NETO2: variants seen among roughly 807,000 people sequenced by gnomAD.
NETO2 encodes neuropilin and tolloid-like protein 2.
Under a neutral mutation model 62.5 loss-of-function variants are expected in NETO2, and 28 were observed. That is an observed-to-expected ratio of 0.45 (90% CI 0.33 to 0.61). NETO2 has a LOEUF of 0.61. Among genes scored for constraint, NETO2 ranks in the 20% least tolerant of loss-of-function variants. The probability of loss-of-function intolerance (pLI) is 0.02; values close to 1 mark genes in which losing one functional copy is unlikely to be tolerated. For synonymous variants in NETO2, 214 were observed against 219.1 expected, an observed-to-expected ratio of 0.98 and a Z score of 0.21; for missense variants, 548 against 643.2, an observed-to-expected ratio of 0.85 and a Z score of 1.60.
Position 47,143,625 on chromosome 16 carries a change from C to T in NETO2, c.-13G>A. 8.2e-7 allele frequency: 1 copy of T among 1,221,482 alleles called. No individual in the cohort carries two copies. The allele number at this position is 1,221,482 out of a possible 1,614,324, so 75.7% of individuals were successfully genotyped here. ...GCTCCAGGGCCATGTTCCCGAGCTG[C>T]CCGGCGCTTCGCGAAGGGCTGAGGT... is the stretch of plus-strand genomic sequence containing the variant. On this transcript the variant is annotated 5_prime_UTR_variant, in exon 1 of 9. Coordinates refer to ENST00000562435, the MANE Select transcript of NETO2 (RefSeq NM_018092.5).
intron 7 of NETO2, among the ~76,000 whole-genome samples, chr16:47,087,058 CTCACT>C (rs1963207080): frequency 6.8e-6 from 1 of 148,014 alleles, no homozygotes. Context: ...GAGATGGAGT[CTCACT>C]CTGTTGCCAG....
chr16:47,096,705 A>G (rs1963434020), intron 7 of NETO2, among the ~76,000 whole-genome samples: 1 of 152,234 alleles, frequency 6.6e-6, no homozygotes, highest in Non-Finnish European at 1.5e-5. Context: ...GAATTCTACT[A>G]AACATGTAAA....
rs766042295 is a variant in NETO2, at chr16:47,109,620, T to C, written c.746A>G (p.Glu249Gly). 151 of 1,614,052 alleles carry C rather than the reference T, an allele frequency of 9.4e-5. 1 individual carries two copies. Among genetic ancestry groups the C allele is most frequent in the Admixed American group, 1.7e-4 (10 of 59,998 alleles). Residue 249 changes from glutamate to glycine, a missense_variant, in exon 7 of 9, where the codon GAA becomes GGA. Transcript: ENST00000562435. ...GCTGCAAAACTTGGCCTTCAGGTTT[T>C]CAATAGAACTGCTTCCATCATAGAC... ...VAVYDGSSSI[E>G]NLKAKFCSTV...
chr16:47,097,958 A>G lies in NETO2; in HGVS notation c.883+11525T>C, dbSNP rs147560710. On this transcript the variant is annotated intron_variant, in intron 7 of 8. Transcript: ENST00000562435. ...CCTGACTGTTAGAAGGAAAACTAAC[A>G]AACAGAAAGGAATAGCATCAACATC... is the stretch of plus-strand genomic sequence containing the variant. 7.3e-3 allele frequency among the ~76,000 whole-genome samples: 1,106 copies of G among 152,358 alleles called. 14 individuals are homozygous for G. Among genetic ancestry groups the G allele is most frequent in the African/African-American group, 0.025 (1,026 of 41,580 alleles).
chr16:47,086,059 TTGTG>T (rs1373908424), intron 8 of NETO2, among the ~76,000 whole-genome samples, 163 bp downstream of exon 8: 2 of 152,172 alleles, frequency 1.3e-5, no homozygotes, highest in Non-Finnish European at 1.5e-5. Flanking sequence ...TGAGCCGAGA[TTGTG>T]CCACTGCACT....
At chr16:47,115,634 C>G (rs1423891877) in intron 6 of NETO2, among the ~76,000 whole-genome samples, 1 of 148,732 alleles carries the variant, frequency 6.7e-6, no homozygotes, top group Admixed American at 6.7e-5. Context: ...CTTAAGTGAT[C>G]CTCCTGCCTC....
chr16:47,086,200 A>C, intron 8 of NETO2, 26 bp downstream of exon 8: 1 of 1,319,650 alleles, frequency 7.6e-7, no homozygotes, highest in Non-Finnish European at 1.1e-6. Context: ...TTTTCTCAAA[A>C]ATGTTGGCCT....
chr16:47,137,123 A>G (rs899894711), intron 1 of NETO2, among the ~76,000 whole-genome samples: 1 of 152,224 alleles, frequency 6.6e-6, no homozygotes, highest in African/African-American at 2.4e-5. Flanking sequence ...TTGGAGGTTA[A>G]TCTGGTAGAA....
rs200881486 is a variant in NETO2, at chr16:47,109,382, AC to A, written c.883+100del. On this transcript the variant is annotated intron_variant, in intron 7 of 8. Transcript: ENST00000562435. ...AAGAGCTGTAGTAAAACAAAAAAAAACATCCTAAAATAAATATTTTAAAAAA... is the reference window on the plus strand; with the variant it reads ...AAGAGCTGTAGTAAAACAAAAAAAAAATCCTAAAATAAATATTTTAAAAAA... 2.8e-3 allele frequency: 1,651 copies of A among 600,012 alleles called. 13 individuals carry two copies. Among genetic ancestry groups the A allele is most frequent in the African/African-American group, 0.015 (698 of 45,880 alleles). 37.2% of individuals were successfully genotyped at this position (600,012 alleles called of 1,614,324 possible). A position where few individuals can be genotyped will look rare whatever the true frequency, so the allele number is the denominator to read the frequency against.
At chr16:47,097,238 AC>A (rs1364815177) in intron 7 of NETO2, among the ~76,000 whole-genome samples, 14 of 152,090 alleles carry the variant, frequency 9.2e-5, no homozygotes, top group Non-Finnish European at 1.5e-5. Context: ...AGCAGATCCC[AC>A]CCCCACGGGG....
chr16:47,143,526 G>A (rs1163327796), intron 1 of NETO2, 53 bp downstream of exon 1: 2 of 1,217,780 alleles, frequency 1.6e-6, no homozygotes, highest in Non-Finnish European at 2.0e-6. Context: ...AGGGCGGCGC[G>A]CCAGCCTCGG....
At chr16:47,128,908 A>T (rs1964210215) in intron 3 of NETO2, among the ~76,000 whole-genome samples, 1 of 152,224 alleles carries the variant, frequency 6.6e-6, no homozygotes, top group Non-Finnish European at 1.5e-5. Flanking sequence ...AAAAGAACTC[A>T]CTTATGTGGA....
At chr16:47,136,598 G>A (rs1964365311) in intron 1 of NETO2, among the ~76,000 whole-genome samples, 1 of 152,052 alleles carries the variant, frequency 6.6e-6, no homozygotes, top group East Asian at 1.9e-4. Context: ...TAGAGACGGG[G>A]TTTCACTGTG....
Position 47,114,439 on chromosome 16 carries a change from C to CTTTT in NETO2, c.655-4732_655-4729dup, listed in dbSNP as rs33994080. The stretch of plus-strand genomic sequence containing the variant: ...TTTCATTAGTCCAATTTATAAATTT[C>CTTTT]TTTTTTTTTTTTTTTTTTTTTTTTT... On this transcript the variant is annotated intron_variant, in intron 6 of 8. Coordinates refer to ENST00000562435, the MANE Select transcript of NETO2 (RefSeq NM_018092.5). 5.0e-4 allele frequency among the ~76,000 whole-genome samples: 19 copies of CTTTT among 37,928 alleles called. 4 individuals carry two copies. The highest frequency in any genetic ancestry group is 8.3e-4 in the Admixed American group (3 of 3,610). The allele number at this position is 37,928 out of a possible 152,430, so 24.9% of individuals were successfully genotyped here.
In NETO2 at chr16:47,128,482, T is replaced by A. The variant is rs557415316; in HGVS notation, c.324A>T (p.Arg108=). ...GAGGAGAGAAACCAAATGGCCCATC[T>A]CGAACTTCCAAGTGATCAAACCGAC... ...FECRFDHLEV[R]DGPFGFSPLI... is the part of the protein sequence containing the mutation. The change falls in exon 4 of 9, where the codon CGA becomes CGT. Residue 108 remains arginine, a synonymous_variant. Transcript: ENST00000562435. 6.2e-7 allele frequency: 1 copy of A among 1,614,084 alleles called. No individual in the cohort carries two copies. The highest frequency in any genetic ancestry group is 1.3e-5 in the African/African-American group (1 of 75,046).
chr16:47,124,654 G>C (rs1204627455), intron 4 of NETO2, among the ~76,000 whole-genome samples: 1 of 152,144 alleles, frequency 6.6e-6, no homozygotes, highest in Non-Finnish European at 1.5e-5. Context: ...TTTCTCCAAT[G>C]TGACCTCATC....
chr16:47,118,988 T>C lies in NETO2; in HGVS notation c.654+3669A>G, dbSNP rs964911842. 3.9e-5 allele frequency among the ~76,000 whole-genome samples: 6 copies of C among 152,196 alleles called. No homozygotes were observed. In the South Asian group the frequency reaches 1.2e-3, roughly 31 times the overall value. On this transcript the variant is annotated intron_variant, in intron 6 of 8. Transcript: ENST00000562435. Reference sequence around the variant, plus strand: ...TCTCTTTTAATCTATAGGTTCTTGTTTTTTCTTTTTCCCCCATTGTCATTT... The same window carrying C: ...TCTCTTTTAATCTATAGGTTCTTGTCTTTTCTTTTTCCCCCATTGTCATTT...
At chr16:47,101,228 T>C (rs897498917) in intron 7 of NETO2, among the ~76,000 whole-genome samples, 1 of 152,132 alleles carries the variant, frequency 6.6e-6, no homozygotes, top group Non-Finnish European at 1.5e-5. Flanking sequence ...TCTATAAAAT[T>C]CAACACCCCT....
Position 47,079,482 on chromosome 16 carries a change from C to CTACT in NETO2, c.*3735_*3738dup, listed in dbSNP as rs1963026005. The CTACT allele has an allele frequency of 1.3e-5, 2 of 151,940 alleles. No individual in the cohort carries two copies. Among genetic ancestry groups the CTACT allele is most frequent in the East Asian group, 3.9e-4 (2 of 5,150 alleles). The allele number at this position is 151,940 out of a possible 1,614,324, so 9.4% of individuals were successfully genotyped here. A position where few individuals can be genotyped will look rare whatever the true frequency, so the allele number is the denominator to read the frequency against. The stretch of plus-strand genomic sequence containing the variant: ...TGGTGTCGGGCGCCTGTAGTCCCAG[C>CTACT]TACTTGGGAGACTGAGGCAGGAGAA... On this transcript the variant is annotated 3_prime_UTR_variant, in exon 9 of 9. Transcript: ENST00000562435.
Sources: allele counts gnomAD v4.1 joint callset (sites outside exome capture counted in the v4.1 genomes callset), GRCh38; gene constraint gnomAD v4.1.1; transcripts MANE v1.5; gene names NCBI Gene and HGNC (gene_info 2026-07-23, HGNC 2026-07-21).